Variants in NIBAN1 observed in about 807,000 individuals in gnomAD.
The protein encoded by NIBAN1 is protein Niban 1.
In NIBAN1, 81 loss-of-function variants were observed where a neutral mutation model predicts 75.1. That is an observed-to-expected ratio of 1.08 (90% CI 0.90 to 1.30). NIBAN1 has a LOEUF of 1.30. Ranked by LOEUF, NIBAN1 falls within the 50% of genes most tolerant of loss-of-function variation. NIBAN1 has a pLI of 0.00. For missense variants in NIBAN1, 1,133 were observed against 1,128.1 expected, an observed-to-expected ratio of 1.00 and a Z score of -0.06; for synonymous variants, 436 against 424.8, an observed-to-expected ratio of 1.03 and a Z score of -0.32.
intron 1 of NIBAN1, among the ~76,000 whole-genome samples, chr1:184,901,515 T>G (rs1168086856): frequency 6.6e-6 from 1 of 152,214 alleles, no homozygotes; most frequent in Non-Finnish European, 1.5e-5. Context: ...ATTCCCACAA[T>G]GAGAACGAAT....
At chr1:184,948,495 A>T (rs1658283556) in intron 1 of NIBAN1, among the ~76,000 whole-genome samples, 1 of 152,232 alleles carries the variant, frequency 6.6e-6, no homozygotes, top group South Asian at 2.1e-4. Context: ...AATTTTAAAA[A>T]ATTATTCACA....
chr1:184,795,886 C>T lies in NIBAN1; in HGVS notation c.1878G>A (p.Lys626=). ...NEVFQESEEE[K]QPEVPSSLAK... ...CCAACGAGCTAGGGACCTCAGGCTG[C>T]TTCTCTTCCTCTGACTCCTGGAATA... is the stretch of plus-strand genomic sequence containing the variant. The change falls in exon 14 of 14, where the codon AAG becomes AAA. Residue 626 remains lysine, a synonymous_variant. Coordinates refer to ENST00000367511, the MANE Select transcript of NIBAN1 (RefSeq NM_052966.4). The T allele has an allele frequency of 3.1e-6, 5 of 1,613,552 alleles. No homozygotes were observed. Among genetic ancestry groups the T allele is most frequent in the Non-Finnish European group, 4.2e-6 (5 of 1,179,704 alleles).
Position 184,827,787 on chromosome 1 carries a change from T to C in NIBAN1, c.718-4045A>G, listed in dbSNP as rs1360405973. On this transcript the variant is annotated intron_variant, in intron 6 of 13. Coordinates refer to ENST00000367511, the MANE Select transcript of NIBAN1 (RefSeq NM_052966.4). ...GTGGGGTCCAGAGAGACCACCCTCC[T>C]TCCTGAAGCAGGCCCCGCAGTCTCA... Among the ~76,000 whole-genome samples, 4 of 151,872 alleles carry C rather than the reference T, an allele frequency of 2.6e-5. No homozygotes were observed. In the East Asian group the frequency reaches 7.7e-4, roughly 29 times the overall value.
At chr1:184,947,101 A>G (rs1263052685) in intron 1 of NIBAN1, among the ~76,000 whole-genome samples, 1 of 152,126 alleles carries the variant, frequency 6.6e-6, no homozygotes, top group Admixed American at 6.5e-5. Context: ...AAAGAAATGC[A>G]TTGTTTCTCC....
Position 184,844,052 on chromosome 1 carries a change from G to A in NIBAN1, c.602-12090C>T, listed in dbSNP as rs113377618. 7.6e-3 allele frequency among the ~76,000 whole-genome samples: 1,151 copies of A among 152,272 alleles called. 15 individuals are homozygous for A. Among genetic ancestry groups the A allele is most frequent in the East Asian group, 0.04 (206 of 5,176 alleles). ...ATAGGGAAGATGCTTCTTTAGTCAC[G>A]ACTTGTCCTTCATTTTTGATGACAC... On this transcript the variant is annotated intron_variant, in intron 5 of 13. Transcript: ENST00000367511.
At chr1:184,830,186 T>G (rs924833644) in intron 6 of NIBAN1, among the ~76,000 whole-genome samples, 1 of 152,262 alleles carries the variant, frequency 6.6e-6, no homozygotes, top group Non-Finnish European at 1.5e-5. Context: ...CTTACCCATC[T>G]CATAAGATTG....
chr1:184,840,999 A>G (rs1355133135), intron 5 of NIBAN1, among the ~76,000 whole-genome samples: 1 of 151,464 alleles, frequency 6.6e-6, no homozygotes, highest in African/African-American at 2.4e-5. Flanking sequence ...TAGTTATTAA[A>G]TTTTCTTTAC....
intron 1 of NIBAN1, among the ~76,000 whole-genome samples, chr1:184,912,191 T>G (rs530210935): frequency 6.6e-6 from 1 of 152,292 alleles, no homozygotes; most frequent in African/African-American, 2.4e-5. Flanking sequence ...CATGGTATAT[T>G]TAATTCTAGT....
intron 5 of NIBAN1, among the ~76,000 whole-genome samples, chr1:184,864,662 A>T (rs234645): frequency 0.011 from 1,699 of 152,228 alleles, 23 homozygotes; most frequent in African/African-American, 0.039. Flanking sequence ...TAGATGCATT[A>T]AAAAATAATA....
chr1:184,871,020 C>A (rs1656092614), intron 5 of NIBAN1, among the ~76,000 whole-genome samples: 1 of 152,002 alleles, frequency 6.6e-6, no homozygotes, highest in African/African-American at 2.4e-5. Flanking sequence ...GGATAAGCCC[C>A]CAATCCAATA....
chr1:184,898,788 C>T (rs936250201), intron 2 of NIBAN1, among the ~76,000 whole-genome samples: 3 of 152,086 alleles, frequency 2.0e-5, no homozygotes, highest in Admixed American at 1.3e-4. Flanking sequence ...ATAGTAGGTG[C>T]TAACAAACAT....
intron 1 of NIBAN1, among the ~76,000 whole-genome samples, chr1:184,960,451 T>C (rs1316462791): frequency 6.6e-6 from 1 of 152,250 alleles, no homozygotes; most frequent in East Asian, 1.9e-4. Flanking sequence ...TTTCTTCTCC[T>C]TTCATTCATG....
chr1:184,886,522 C>A (rs1006047675), intron 4 of NIBAN1, among the ~76,000 whole-genome samples: 1 of 152,264 alleles, frequency 6.6e-6, no homozygotes, highest in Non-Finnish European at 1.5e-5. Flanking sequence ...ACTTTTACCT[C>A]TTCCCTCAAA....
Position 184,823,622 on chromosome 1 carries a change from C to T in NIBAN1, c.822+16G>A. The T allele has an allele frequency of 6.2e-7, 1 of 1,613,116 alleles. No individual in the cohort carries two copies. Among genetic ancestry groups the T allele is most frequent in the Non-Finnish European group, 8.5e-7 (1 of 1,179,126 alleles). ...CATTTTGAGTAGCTCAGTTGTAGAG[C>T]AAAACCATTGCTTACACCAAGCCAC... On this transcript the variant is annotated intron_variant, in intron 7 of 13. Transcript: ENST00000367511.
intron 1 of NIBAN1, among the ~76,000 whole-genome samples, chr1:184,919,592 A>T (rs6674618): frequency 0.012 from 1,790 of 152,196 alleles, 29 homozygotes; most frequent in African/African-American, 0.04. Flanking sequence ...AAATAATTTT[A>T]AAAAAAGAGA....
chr1:184,908,201 A>G (rs1571564895), intron 1 of NIBAN1, among the ~76,000 whole-genome samples: 1 of 152,226 alleles, frequency 6.6e-6, no homozygotes, highest in African/African-American at 2.4e-5. Context: ...AAGCAAGCCC[A>G]GTATCTCTAA....
At chr1:184,812,322 GT>G (rs1244583319) in intron 9 of NIBAN1, among the ~76,000 whole-genome samples, 1 of 152,068 alleles carries the variant, frequency 6.6e-6, no homozygotes, top group Non-Finnish European at 1.5e-5. Flanking sequence ...TAATGTATAT[GT>G]TTTATCATAC....
chr1:184,937,864 C>A (rs930557460), intron 1 of NIBAN1, among the ~76,000 whole-genome samples: 8 of 152,160 alleles, frequency 5.3e-5, no homozygotes, highest in Non-Finnish European at 1.0e-4. Flanking sequence ...GTAAAGAGTA[C>A]AATATATGTA....
At chr1:184,852,772 C>T (rs1446830842) in intron 5 of NIBAN1, among the ~76,000 whole-genome samples, 1 of 152,212 alleles carries the variant, frequency 6.6e-6, no homozygotes, top group Non-Finnish European at 1.5e-5. Flanking sequence ...GCTAAACATT[C>T]TCTCTTTCTC....
Sources: gnomAD v4.1 joint callset for allele counts (sites outside exome capture counted in the v4.1 genomes callset) on GRCh38, gnomAD v4.1.1 for gene constraint, MANE v1.5 for transcripts, NCBI Gene and HGNC (gene_info 2026-07-23, HGNC 2026-07-21) for gene names.